NSD2: variants seen among roughly 807,000 people sequenced by gnomAD.
NSD2 encodes nuclear receptor binding SET domain protein 2, also known as histone-lysine N-methyltransferase NSD2.
Under a neutral mutation model 139.0 loss-of-function variants are expected in NSD2, and 12 were observed. The observed-to-expected ratio is 0.09, with a 90% CI of 0.06 to 0.14. The LOEUF (loss-of-function observed/expected upper bound fraction) is 0.14, where lower values mean the gene tolerates loss of function less well. Ranked by LOEUF, NSD2 falls within the 10% of genes least tolerant of loss-of-function variation. The pLI, the probability that NSD2 is intolerant of heterozygous loss-of-function variation, is 1.00. For synonymous variants in NSD2, 669 were observed against 648.7 expected (o/e 1.03, Z -0.48); for missense variants, 1,155 against 1,745.0 (o/e 0.66, Z 6.02).
intron 2 of NSD2, among the ~76,000 whole-genome samples, chr4:1,902,101 T>C (rs1014533144): frequency 1.3e-5 from 2 of 152,232 alleles, no homozygotes; most frequent in Non-Finnish European, 2.9e-5. Context: ...GTGTTGCTTT[T>C]TAGTTGTAAC....
intron 8 of NSD2, among the ~76,000 whole-genome samples, chr4:1,939,116 C>A (rs1354925864): frequency 2.0e-5 from 3 of 151,820 alleles, no homozygotes; most frequent in African/African-American, 7.3e-5. Context: ...AAACAAAACC[C>A]TGGGGAGGAG....
Position 1,981,641 on chromosome 4 carries a change from C to T in NSD2, c.*2732C>T, listed in dbSNP as rs557274163. 10 of 386,628 alleles carry T rather than the reference C, an allele frequency of 2.6e-5. No individual in the cohort carries two copies. Among genetic ancestry groups the T allele is most frequent in the South Asian group, 1.5e-4 (1 of 6,888 alleles). 23.9% of individuals were successfully genotyped at this position (386,628 alleles called of 1,614,324 possible). ...AGAACCCAGCTGTCCGTCCTCAGGC[C>T]GGCCTTTCTTCCGGCGACACCCGTC... On this transcript the variant is annotated 3_prime_UTR_variant, in exon 22 of 22. Transcript: ENST00000508803.
chr4:1,877,990 C>T (rs1467608655), intron 1 of NSD2, among the ~76,000 whole-genome samples: 1 of 151,968 alleles, frequency 6.6e-6, no homozygotes, highest in Non-Finnish European at 1.5e-5. Context: ...GATTATGCCA[C>T]TGCATTCCAG....
At chr4:1,978,023 A>G (rs1380598523) in intron 21 of NSD2, among the ~76,000 whole-genome samples, 1 of 151,806 alleles carries the variant, frequency 6.6e-6, no homozygotes, top group Non-Finnish European at 1.5e-5. Flanking sequence ...GCTACTCGGA[A>G]GGGTGAGGCA....
intron 3 of NSD2, among the ~76,000 whole-genome samples, chr4:1,914,298 C>T (rs1719075008): frequency 6.6e-6 from 1 of 152,010 alleles, no homozygotes; most frequent in Non-Finnish European, 1.5e-5. Flanking sequence ...GCTGAGATTA[C>T]ATGTGTGAGC....
At position 1,952,098 on chromosome 4, in the gene NSD2, G is replaced by GC; in HGVS notation, c.2014-5dup. ...CGGGCGCTGCTTACCCGCCTGCTCT[G>GC]CCCCCGCAGCTGTGTGAGAAGCCGG... On this transcript the variant is annotated splice_polypyrimidine_tract_variant and intron_variant, in intron 10 of 21. Transcript: ENST00000508803. 6.2e-7 allele frequency: 1 copy of GC among 1,613,410 alleles called. No homozygotes were observed. The highest frequency in any genetic ancestry group is 8.5e-7 in the Non-Finnish European group (1 of 1,179,590).
In NSD2 at chr4:1,959,539, C is replaced by T. The variant is rs1577547535; in HGVS notation, c.3054C>T (p.Cys1018=). The T allele has an allele frequency of 1.2e-6, 2 of 1,614,214 alleles. No individual in the cohort carries two copies. The highest frequency in any genetic ancestry group is 1.7e-6 in the Non-Finnish European group (2 of 1,180,046). The change falls in exon 17 of 22, where the codon TGC becomes TGT. Residue 1018 remains cysteine, a synonymous_variant. Transcript: ENST00000508803. ...TTTCAGAAATCCCTAAGTGCAACTG[C>T]AAGCCCACAGATGAGAATCCTTGTG... The part of the protein sequence containing the change: ...ADISEIPKCN[C]KPTDENPCGF...
chr4:1,903,679 A>G (rs1238106472), intron 2 of NSD2, among the ~76,000 whole-genome samples: 1 of 151,872 alleles, frequency 6.6e-6, no homozygotes, highest in Non-Finnish European at 1.5e-5. Flanking sequence ...AATGTTGAAC[A>G]CCTGCTGTGT....
At chr4:1,930,914 G>A (rs377487778) in intron 6 of NSD2, 144 bp downstream of exon 6, 16 of 1,016,090 alleles carry the variant, frequency 1.6e-5, no homozygotes, top group African/African-American at 9.7e-5. Context: ...GTCCAAGTGC[G>A]TGTGGTCACA....
intron 3 of NSD2, among the ~76,000 whole-genome samples, chr4:1,907,050 T>C (rs1718015786): frequency 6.6e-6 from 1 of 152,180 alleles, no homozygotes; most frequent in African/African-American, 2.4e-5. Context: ...TGTTACTCTC[T>C]GCGGTTGAGG....
chr4:1,976,336 G>A lies in NSD2; in HGVS notation c.3622-139G>A. 3 of 890,964 alleles carry A rather than the reference G, an allele frequency of 3.4e-6. No individual in the cohort carries two copies. In the South Asian group the frequency reaches 5.1e-5, roughly 15 times the overall value. The allele number at this position is 890,964 out of a possible 1,614,324, so 55.2% of individuals were successfully genotyped here. Reference sequence around the variant, plus strand: ...AAGGATGTCTGGGGAGCACGAGGAGGACACTCCTCTCCTCTCCTCTTAGTG... The same window carrying A: ...AAGGATGTCTGGGGAGCACGAGGAGAACACTCCTCTCCTCTCCTCTTAGTG... On this transcript the variant is annotated intron_variant, in intron 20 of 21. Coordinates refer to ENST00000508803, the MANE Select transcript of NSD2 (RefSeq NM_001042424.3). This position sits in a 1 kb window ranked among gnomAD's most constrained non-coding sequence, Gnocchi z 5.3.
intron 9 of NSD2, 138 bp downstream of exon 9, chr4:1,939,916 T>G: frequency 6.5e-7 from 1 of 1,527,920 alleles, no homozygotes; most frequent in Non-Finnish European, 8.7e-7. Flanking sequence ...TTAGGGCCTC[T>G]TGGCTAACTC....
intron 1 of NSD2, chr4:1,892,908 C>T (rs1715708398): frequency 6.6e-6 from 1 of 152,064 alleles, no homozygotes; most frequent in Admixed American, 6.6e-5. Context: ...TTTGTTTTAA[C>T]CTCTGTATTT....
chr4:1,921,229 G>A (rs940609910), intron 5 of NSD2, among the ~76,000 whole-genome samples: 1 of 151,774 alleles, frequency 6.6e-6, no homozygotes, highest in African/African-American at 2.4e-5. Flanking sequence ...AGGCTGAGGC[G>A]GGTAGATCAC....
chr4:1,979,135 A>G lies in NSD2; in HGVS notation c.*226A>G. Reference sequence around the variant, plus strand: ...TGAGCCCAGCTCAGCGTTCCTGGACAAACAGCCTCACTCCTCAGCGTTACC... The same window carrying G: ...TGAGCCCAGCTCAGCGTTCCTGGACGAACAGCCTCACTCCTCAGCGTTACC... On this transcript the variant is annotated 3_prime_UTR_variant, in exon 22 of 22. Coordinates refer to ENST00000508803, the MANE Select transcript of NSD2 (RefSeq NM_001042424.3). The G allele has an allele frequency of 4.4e-6, 2 of 459,058 alleles. No homozygotes were observed. Among genetic ancestry groups the G allele is most frequent in the South Asian group, 1.3e-4 (2 of 14,964 alleles). 28.4% of individuals were successfully genotyped at this position (459,058 alleles called of 1,614,324 possible). A position where few individuals can be genotyped will look rare whatever the true frequency, so the allele number is the denominator to read the frequency against.
In NSD2 at chr4:1,930,861, T is replaced by C. The variant is rs1721550001; in HGVS notation, c.1555+91T>C. 11 of 1,461,248 alleles carry C rather than the reference T, an allele frequency of 7.5e-6. No individual in the cohort carries two copies. The South Asian group carries it at 1.6e-4, about 21-fold the overall frequency. The allele number at this position is 1,461,248 out of a possible 1,614,324, so 90.5% of individuals were successfully genotyped here. Reference sequence around the variant, plus strand: ...CTGATCTTGGAACCGTAGGGAAGTGTGTCCACTCTCCCTGTTTCTGACCCG... The same window carrying C: ...CTGATCTTGGAACCGTAGGGAAGTGCGTCCACTCTCCCTGTTTCTGACCCG... On this transcript the variant is annotated intron_variant, in intron 6 of 21. Coordinates refer to ENST00000508803, the MANE Select transcript of NSD2 (RefSeq NM_001042424.3).
At chr4:1,914,782 C>A (rs1198605131) in intron 3 of NSD2, among the ~76,000 whole-genome samples, 5 of 152,184 alleles carry the variant, frequency 3.3e-5, no homozygotes, top group Non-Finnish European at 5.9e-5. Flanking sequence ...ATTTGCTATT[C>A]TTCACATACC....
At chr4:1,969,046 T>G (rs1436477042) in intron 18 of NSD2, among the ~76,000 whole-genome samples, 2 of 152,192 alleles carry the variant, frequency 1.3e-5, no homozygotes, top group East Asian at 1.9e-4. Context: ...ACTGGAGACC[T>G]GCAGTGTCAC....
In NSD2 at chr4:1,916,899, C is replaced by T. The variant is rs774947636; in HGVS notation, c.789C>T (p.His263=). ...KGQKKSARQY[H]VQFFGDAPER... The stretch of plus-strand genomic sequence containing the variant: ...AGAAAAAGAGTGCACGCCAGTATCA[C>T]GTACAGTTCTTTGGTGACGCCCCAG... Residue 263 remains histidine (H), a synonymous_variant, in exon 4 of 22, where the codon CAC becomes CAT. Transcript: ENST00000508803. 1.1e-5 allele frequency: 17 copies of T among 1,613,444 alleles called. No homozygotes were observed. The East Asian group carries it at 2.5e-4, about 23-fold the overall frequency.
Sources: allele counts gnomAD v4.1 joint callset (sites outside exome capture counted in the v4.1 genomes callset), GRCh38; gene constraint gnomAD v4.1.1; non-coding constraint Gnocchi (gnomAD v3.1); transcripts MANE v1.5; gene names NCBI Gene and HGNC (gene_info 2026-07-23, HGNC 2026-07-21).